DMD: variants seen among roughly 807,000 people sequenced by gnomAD.
The protein encoded by DMD is dystrophin.
DMD carries 63 observed loss-of-function variants against 330.1 expected under a neutral mutation model. That is an observed-to-expected ratio of 0.19 (90% CI 0.16 to 0.24). DMD has a LOEUF of 0.24. Among genes scored for constraint, DMD ranks in the 10% least tolerant of loss-of-function variants. The pLI is 1.00. For missense variants in DMD, 3,344 were observed against 2,684.1 expected, an observed-to-expected ratio of 1.25 and a Z score of -5.43; for synonymous variants, 1,223 against 959.8, an observed-to-expected ratio of 1.27 and a Z score of -5.07.
At chrX:31,136,734 C>A (rs2035285768) in intron 76 of DMD, among the ~76,000 whole-genome samples, 1 of 112,287 alleles carries the variant, frequency 8.9e-6, no homozygotes, top group Non-Finnish European at 1.9e-5. Context: ...TTTCAAAGAT[C>A]AAATTATAAA....
intron 44 of DMD, among the ~76,000 whole-genome samples, chrX:32,052,632 A>G (rs925633591): frequency 2.7e-5 from 3 of 111,578 alleles, no homozygotes; most frequent in Admixed American, 1.9e-4. Context: ...GTAACATCAC[A>G]CTACTGTCCA....
intron 51 of DMD, among the ~76,000 whole-genome samples, chrX:31,751,309 T>C (rs1234923926): frequency 9.0e-6 from 1 of 111,261 alleles, no homozygotes; most frequent in East Asian, 2.8e-4. Context: ...TGTCCACATG[T>C]CATAAGGTCT....
At chrX:32,115,771 C>T (rs781178377) in intron 44 of DMD, among the ~76,000 whole-genome samples, 1 of 111,823 alleles carries the variant, frequency 8.9e-6, no homozygotes, top group African/African-American at 3.2e-5. Flanking sequence ...TAATTCATCA[C>T]AGCAAATCCT....
Position 32,565,841 on chromosome X carries a change from C to T in DMD, c.1853G>A (p.Gly618Asp), listed in dbSNP as rs1221161015. ...ATCTTGTTTGAGTGAATACAGTTTG[C>T]CCATGGATTGCTTTTTCTTTTCTAG... Reference protein sequence around the residue: ...ADLEKKKQSMGKLYSLKQDLL... With the variant: ...ADLEKKKQSMDKLYSLKQDLL... The change falls in exon 16 of 79, where the codon GGC becomes GAC. Residue 618 changes from glycine (G) to aspartate (D), a missense_variant. Physicochemically the swap from Gly to Asp is moderately conservative, Grantham distance 94. Coordinates refer to ENST00000357033, the MANE Select transcript of DMD (RefSeq NM_004006.3). 1.7e-6 allele frequency: 2 copies of T among 1,209,379 alleles called. No individual in the cohort carries two copies. The highest frequency in any genetic ancestry group is 2.2e-6 in the Non-Finnish European group (2 of 894,812).
At chrX:32,197,180 T>C (rs1352079810) in intron 44 of DMD, among the ~76,000 whole-genome samples, 1 of 109,758 alleles carries the variant, frequency 9.1e-6, no homozygotes, top group Non-Finnish European at 1.9e-5. Flanking sequence ...TTTATTTTAA[T>C]TTTTGTGGGT....
intron 13 of DMD, among the ~76,000 whole-genome samples, chrX:32,593,704 C>G (rs1445463886): frequency 8.9e-6 from 1 of 112,045 alleles, no homozygotes. Context: ...GAAAAAAATT[C>G]AAATGGGATG....
intron 57 of DMD, among the ~76,000 whole-genome samples, chrX:31,490,455 CAGG>C (rs1345256720): frequency 9.0e-6 from 1 of 111,350 alleles, no homozygotes; most frequent in African/African-American, 3.3e-5. Context: ...CCAGCTGAGG[CAGG>C]AGAAGGAGAA....
chrX:31,678,267 T>C (rs752192878), intron 53 of DMD, among the ~76,000 whole-genome samples: 3 of 111,814 alleles, frequency 2.7e-5, no homozygotes, highest in South Asian at 7.5e-4. Context: ...CATAACCAAT[T>C]TGAGAATCAG....
chrX:33,043,832 C>T (rs1603033093), intron 1 of DMD, among the ~76,000 whole-genome samples: 1 of 95,917 alleles, frequency 1.0e-5, no homozygotes, highest in East Asian at 4.1e-4. Flanking sequence ...TATCCCTCCC[C>T]CCTCCCCCCA....
At chrX:32,078,423 G>A (rs868445306) in intron 44 of DMD, among the ~76,000 whole-genome samples, 15 of 111,487 alleles carry the variant, frequency 1.3e-4, no homozygotes, top group African/African-American at 4.2e-4. Context: ...CCTACATTCC[G>A]TTTTCGATAA....
chrX:31,903,313 A>G (rs944015624), intron 47 of DMD, among the ~76,000 whole-genome samples: 7 of 111,623 alleles, frequency 6.3e-5, no homozygotes, highest in Admixed American at 1.9e-4. Context: ...CTCATATGGT[A>G]GGCTGTTGTT....
intron 44 of DMD, among the ~76,000 whole-genome samples, chrX:32,076,540 C>T (rs1049215107): frequency 3.7e-5 from 4 of 108,918 alleles, no homozygotes; most frequent in East Asian, 2.9e-4. Flanking sequence ...CCAGCACGCC[C>T]GGCTAATTTT....
chrX:33,293,111 T>C lies in DMD; in HGVS notation c.7+46148A>G, dbSNP rs374289203. Among the ~76,000 whole-genome samples the C allele has an allele frequency of 3.2e-4, 36 of 111,591 alleles. No homozygotes were observed. The East Asian group carries it at 5.1e-3, about 16-fold the overall frequency. On this transcript the variant is annotated intron_variant, in intron 1 of 17. Coordinates refer to the DMD transcript ENST00000288447. ...TATGTGATTATCCCTCAAAATCATA[T>C]TCTTTAAATATTTGATTTTTATCTT... is the stretch of plus-strand genomic sequence containing the variant.
intron 1 of DMD, among the ~76,000 whole-genome samples, chrX:33,333,536 G>C (rs1170127143): frequency 9.1e-6 from 1 of 110,482 alleles, no homozygotes; most frequent in Non-Finnish European, 1.9e-5. Flanking sequence ...AGAATCCTAT[G>C]GGTTTTACAG....
intron 2 of DMD, among the ~76,000 whole-genome samples, chrX:32,879,021 A>AAAAAAAAAAAAAAAAAAAAAAAAAC (rs1352069437): frequency 2.4e-4 from 24 of 101,727 alleles, no homozygotes; most frequent in East Asian, 3.2e-4. Flanking sequence ...AAAAAAACAA[A>AAAAAAAAAAAAAAAAAAAAAAAAAC]AAACAAAAAA....
chrX:32,764,663 C>T (rs772117384), intron 7 of DMD, among the ~76,000 whole-genome samples: 1 of 111,825 alleles, frequency 8.9e-6, no homozygotes, highest in South Asian at 3.7e-4. Context: ...ATACATTTAC[C>T]ACATTTTGTT....
chrX:33,337,620 C>T (rs1196346186), intron 1 of DMD, among the ~76,000 whole-genome samples: 2 of 111,995 alleles, frequency 1.8e-5, no homozygotes, highest in East Asian at 2.8e-4. Context: ...TATTCAACCA[C>T]GGTAATGTAT....
At chrX:33,155,260 T>A (rs1045009616) in intron 1 of DMD, among the ~76,000 whole-genome samples, 2 of 111,315 alleles carry the variant, frequency 1.8e-5, no homozygotes, top group African/African-American at 6.5e-5. Context: ...CTATTAATAA[T>A]CTTCACAATA....
intron 55 of DMD, among the ~76,000 whole-genome samples, chrX:31,604,121 C>A (rs776193955): frequency 1.8e-5 from 2 of 111,921 alleles, no homozygotes; most frequent in Non-Finnish European, 3.8e-5. Flanking sequence ...TCTTTATATG[C>A]TTTTTCTGCT....
Sources: allele counts gnomAD v4.1 joint callset (sites outside exome capture counted in the v4.1 genomes callset), GRCh38; gene constraint gnomAD v4.1.1; transcripts MANE v1.5; gene names NCBI Gene and HGNC (gene_info 2026-07-23, HGNC 2026-07-21).